The following HDAC9 variants were observed in gnomAD, a reference collection of about 807,000 sequenced individuals.
HDAC9 encodes the protein histone deacetylase 9.
Under a neutral mutation model 139.4 loss-of-function variants are expected in HDAC9, and 41 were observed. The ratio of observed to expected loss-of-function variants is 0.29; its 90% CI spans 0.23 to 0.38. The LOEUF (loss-of-function observed/expected upper bound fraction) is 0.38, where lower values mean the gene tolerates loss of function less well. HDAC9 is among the 10% of genes least tolerant of loss of function. HDAC9 has a pLI of 1.00. For missense variants in HDAC9, 1,147 were observed against 1,297.0 expected, an observed-to-expected ratio of 0.88 and a Z score of 1.78; for synonymous variants, 517 against 476.2, an observed-to-expected ratio of 1.09 and a Z score of -1.12.
chr7:18,707,555 G>A (rs17433319), intron 12 of HDAC9, among the ~76,000 whole-genome samples: 10,704 of 152,116 alleles, frequency 0.07, 575 homozygotes, highest in Non-Finnish European at 0.1. Flanking sequence ...GAATATAGTC[G>A]GAATATATGA....
chr7:18,770,086 T>C (rs1790159898), intron 16 of HDAC9, among the ~76,000 whole-genome samples: 1 of 152,146 alleles, frequency 6.6e-6, no homozygotes, highest in African/African-American at 2.4e-5. Flanking sequence ...ACATCTCTAC[T>C]TCTCATTAAA....
intron 14 of HDAC9, among the ~76,000 whole-genome samples, chr7:18,757,389 C>G (rs1788970377): frequency 6.6e-6 from 1 of 152,070 alleles, no homozygotes; most frequent in Admixed American, 6.6e-5. Context: ...CCAGTGGAGG[C>G]AGGTACTCTG....
At chr7:18,323,405 G>T (rs550704753) in intron 1 of HDAC9, among the ~76,000 whole-genome samples, 12 of 152,242 alleles carry the variant, frequency 7.9e-5, no homozygotes, top group Middle Eastern at 3.4e-3. Context: ...CAACACTTTA[G>T]TGGAGAGTCA....
chr7:18,900,211 C>T (rs1186981987), intron 22 of HDAC9, among the ~76,000 whole-genome samples: 1 of 152,116 alleles, frequency 6.6e-6, no homozygotes, highest in Non-Finnish European at 1.5e-5. Context: ...CACACAGGTG[C>T]ACACACACTA....
chr7:18,949,302 C>G (rs1297171653), intron 23 of HDAC9: 2 of 226,742 alleles, frequency 8.8e-6, no homozygotes, highest in East Asian at 2.6e-4. Flanking sequence ...TACTTTTTTT[C>G]TGTGGAACCT....
chr7:18,802,051 A>T (rs189455982), intron 17 of HDAC9, among the ~76,000 whole-genome samples: 7,944 of 151,644 alleles, frequency 0.052, 620 homozygotes, highest in African/African-American at 0.17. Flanking sequence ...AATTTCTTCT[A>T]TTTTTATTAT....
At chr7:18,477,903 T>A (rs1795243124) in intron 1 of HDAC9, among the ~76,000 whole-genome samples, 2 of 152,152 alleles carry the variant, frequency 1.3e-5, no homozygotes, top group African/African-American at 4.8e-5. Flanking sequence ...GTTTTCATTT[T>A]AGCTTAAAAT....
intron 22 of HDAC9, among the ~76,000 whole-genome samples, chr7:18,875,656 A>G (rs529236838): frequency 6.6e-6 from 1 of 152,292 alleles, no homozygotes; most frequent in African/African-American, 2.4e-5. Context: ...AGGAAACTCT[A>G]CAAAGACAAA....
Position 18,996,592 on chromosome 7 carries a change from T to G in HDAC9, c.*530T>G, listed in dbSNP as rs1415142261. 1 of 152,806 alleles carries G rather than the reference T, an allele frequency of 6.5e-6. No individual in the cohort carries two copies. Among genetic ancestry groups the G allele is most frequent in the Non-Finnish European group, 1.5e-5 (1 of 68,520 alleles). The allele number at this position is 152,806 out of a possible 1,614,324, so 9.5% of individuals were successfully genotyped here. ...ATGTTTCTTGTTTGTTTGTTTTGTT[T>G]TGTTAGGGTTTTTTTCTCAACTTTA... is the stretch of plus-strand genomic sequence containing the variant. On this transcript the variant is annotated 3_prime_UTR_variant, in exon 26 of 26. Transcript: ENST00000686413.
At chr7:18,425,445 G>A (rs369971936) in intron 1 of HDAC9, among the ~76,000 whole-genome samples, 14 of 152,302 alleles carry the variant, frequency 9.2e-5, no homozygotes, top group East Asian at 5.8e-4. Flanking sequence ...AGCTGAGTGG[G>A]CAGGTGACGC....
intron 2 of HDAC9, among the ~76,000 whole-genome samples, chr7:18,231,408 A>G (rs1489672145): frequency 6.6e-6 from 1 of 152,054 alleles, no homozygotes; most frequent in Non-Finnish European, 1.5e-5. Context: ...TCCCCACTAC[A>G]CCAGTCCCAA....
At chr7:18,726,977 A>G (rs796745734) in intron 12 of HDAC9, among the ~76,000 whole-genome samples, 3 of 152,316 alleles carry the variant, frequency 2.0e-5, no homozygotes, top group Admixed American at 6.5e-5. Context: ...TTAATAGTAT[A>G]TTAAAAACCA....
chr7:18,132,691 A>G (rs1038813344), intron 1 of HDAC9, among the ~76,000 whole-genome samples: 3 of 152,182 alleles, frequency 2.0e-5, no homozygotes, highest in African/African-American at 4.8e-5. Flanking sequence ...AAGTTTATTC[A>G]GAAAATGGCC....
intron 2 of HDAC9, among the ~76,000 whole-genome samples, chr7:18,191,306 C>G (rs1790336322): frequency 6.6e-6 from 1 of 152,164 alleles, no homozygotes; most frequent in Admixed American, 6.5e-5. Flanking sequence ...CTTAACTTGA[C>G]TACGCTCAGT....
chr7:18,197,554 C>T (rs1391181959), intron 2 of HDAC9, among the ~76,000 whole-genome samples: 1 of 152,114 alleles, frequency 6.6e-6, no homozygotes, highest in Non-Finnish European at 1.5e-5. Flanking sequence ...CGTGACAGAA[C>T]AGAGTTCACA....
intron 12 of HDAC9, among the ~76,000 whole-genome samples, chr7:18,696,908 G>T (rs778821195): frequency 1.3e-5 from 2 of 151,958 alleles, no homozygotes; most frequent in African/African-American, 4.8e-5. Context: ...TCACATTCTC[G>T]GTGAGCATCA....
chr7:18,252,493 G>T (rs1050641065), intron 2 of HDAC9, among the ~76,000 whole-genome samples: 1 of 152,062 alleles, frequency 6.6e-6, no homozygotes, highest in Non-Finnish European at 1.5e-5. Flanking sequence ...ACCCTAAGGT[G>T]CATGAAACAT....
At chr7:18,502,546 A>C (rs1338383082) in intron 2 of HDAC9, 1 of 152,240 alleles carries the variant, frequency 6.6e-6, no homozygotes, top group African/African-American at 2.4e-5. Flanking sequence ...AAATATAATA[A>C]AGTAAATGGA....
intron 21 of HDAC9, among the ~76,000 whole-genome samples, chr7:18,857,903 T>G (rs1203467196): frequency 6.6e-6 from 1 of 152,148 alleles, no homozygotes; most frequent in Non-Finnish European, 1.5e-5. Flanking sequence ...ATCTGCTACT[T>G]GAAAAGATTT....
Sources: gnomAD v4.1 joint callset for allele counts (sites outside exome capture counted in the v4.1 genomes callset) on GRCh38, gnomAD v4.1.1 for gene constraint, MANE v1.5 for transcripts, NCBI Gene and HGNC (gene_info 2026-07-23, HGNC 2026-07-21) for gene names.